CAMSAP2: variants seen among roughly 807,000 people sequenced by gnomAD.
The protein encoded by CAMSAP2 is calmodulin regulated spectrin associated protein family member 2.
A neutral mutation model predicts 146.1 loss-of-function variants in CAMSAP2; 26 were observed. The observed-to-expected ratio is 0.18, with a 90% CI of 0.13 to 0.25. The LOEUF is 0.25. Among genes scored for constraint, CAMSAP2 ranks in the 10% least tolerant of loss-of-function variants. The probability of loss-of-function intolerance (pLI) is 1.00; values close to 1 mark genes in which losing one functional copy is unlikely to be tolerated. For missense variants in CAMSAP2, 1,381 were observed against 1,759.3 expected, an observed-to-expected ratio of 0.78 and a Z score of 3.85; for synonymous variants, 499 against 596.6, an observed-to-expected ratio of 0.84 and a Z score of 2.38.
In CAMSAP2 at chr1:200,857,906, A is replaced by G; in HGVS notation, c.4284A>G (p.Glu1428=). 1.2e-6 allele frequency: 2 copies of G among 1,613,926 alleles called. No homozygotes were observed. The highest frequency in any genetic ancestry group is 1.7e-6 in the Non-Finnish European group (2 of 1,179,850). Residue 1428 remains glutamate (E), a synonymous_variant, in exon 17 of 17, where the codon GAA becomes GAG. Coordinates refer to ENST00000358823, the MANE Select transcript of CAMSAP2 (RefSeq NM_203459.4). This position sits in a 1 kb window ranked among gnomAD's most constrained non-coding sequence, Gnocchi z 4.7. ...AATCTATCACTAAAAAAATGATTGA[A>G]GGACTTTACAAATATAATTCTGACA... The part of the protein sequence containing the change: ...GPKSITKKMI[E]GLYKYNSDRK...
chr1:200,740,743 C>A lies in CAMSAP2; in HGVS notation c.139+777C>A, dbSNP rs78320519. Among the ~76,000 whole-genome samples, 30 of 152,340 alleles carry A rather than the reference C, an allele frequency of 2.0e-4. No homozygotes were observed. The East Asian group carries it at 5.4e-3, about 27-fold the overall frequency. ...TGTATAGTACAGTAGCAGTTAAACA[C>A]TCCCTCCATAACCCAGTCTTTGCAA... On this transcript the variant is annotated intron_variant, in intron 1 of 16. Transcript: ENST00000358823.
intron 1 of CAMSAP2, among the ~76,000 whole-genome samples, chr1:200,755,726 C>G (rs1245838835): frequency 6.6e-6 from 1 of 152,196 alleles, no homozygotes; most frequent in Non-Finnish European, 1.5e-5. Flanking sequence ...GTTTCAGACG[C>G]AGTTCCAGGT....
chr1:200,854,079 A>G (rs1252859897), intron 13 of CAMSAP2, among the ~76,000 whole-genome samples: 1 of 152,172 alleles, frequency 6.6e-6, no homozygotes, highest in African/African-American at 2.4e-5. Flanking sequence ...CCCTGGGTTC[A>G]GGTGATCCTC....
Position 200,782,564 on chromosome 1 carries a change from A to G in CAMSAP2, c.399+21466A>G, listed in dbSNP as rs76872788. Among the ~76,000 whole-genome samples the G allele has an allele frequency of 2.8e-3, 419 of 152,218 alleles. 4 individuals are homozygous for G. Among genetic ancestry groups the G allele is most frequent in the African/African-American group, 9.6e-3 (400 of 41,530 alleles). ...CATATAGATGAAAGCAAACTGCACG[A>G]ACTCTTTTTTTACTAGATTCTTTTG... On this transcript the variant is annotated intron_variant, in intron 2 of 16. Transcript: ENST00000358823.
intron 2 of CAMSAP2, among the ~76,000 whole-genome samples, chr1:200,802,397 G>A (rs1467086706): frequency 1.3e-5 from 2 of 152,070 alleles, no homozygotes; most frequent in Non-Finnish European, 2.9e-5. Flanking sequence ...TGCAAGTGGT[G>A]TTTTACTTTT....
chr1:200,769,821 C>A (rs1417408129), intron 2 of CAMSAP2, among the ~76,000 whole-genome samples: 1 of 152,140 alleles, frequency 6.6e-6, no homozygotes, highest in East Asian at 1.9e-4. Flanking sequence ...ATCTTGGCAT[C>A]CCTTTTCCCA....
chr1:200,754,336 G>T (rs572979603), intron 1 of CAMSAP2, among the ~76,000 whole-genome samples: 1 of 152,220 alleles, frequency 6.6e-6, no homozygotes, highest in East Asian at 1.9e-4. Context: ...TATAGGTGAT[G>T]TTAACTTTGA....
At chr1:200,804,936 AAG>A (rs1666133925) in intron 2 of CAMSAP2, among the ~76,000 whole-genome samples, 1 of 152,260 alleles carries the variant, frequency 6.6e-6, no homozygotes, top group Non-Finnish European at 1.5e-5. Context: ...ATATGGTAGA[AAG>A]AGCACACAGG....
intron 2 of CAMSAP2, among the ~76,000 whole-genome samples, chr1:200,800,699 T>C (rs571111026): frequency 2.0e-4 from 31 of 152,368 alleles, no homozygotes; most frequent in Middle Eastern, 3.4e-3. Context: ...AATTTTATCC[T>C]GTCATTATGA....
At chr1:200,792,490 T>C (rs1665781428) in intron 2 of CAMSAP2, among the ~76,000 whole-genome samples, 2 of 151,640 alleles carry the variant, frequency 1.3e-5, no homozygotes, top group Non-Finnish European at 1.5e-5. Context: ...ACTAAAAATA[T>C]AAAAATTAGC....
chr1:200,856,246 G>A (rs1667750217), intron 15 of CAMSAP2, 121 bp downstream of exon 15: 1 of 640,606 alleles, frequency 1.6e-6, no homozygotes, highest in African/African-American at 1.8e-5. Context: ...CTAATAAACA[G>A]TGAATGCAGG....
intron 2 of CAMSAP2, among the ~76,000 whole-genome samples, chr1:200,796,577 G>C (rs1307166632): frequency 6.6e-6 from 1 of 151,982 alleles, no homozygotes; most frequent in East Asian, 1.9e-4. Context: ...CTAGGAGTAT[G>C]TAGTCTTCCA....
intron 3 of CAMSAP2, among the ~76,000 whole-genome samples, chr1:200,810,457 T>C (rs1177553261): frequency 6.6e-6 from 1 of 151,662 alleles, no homozygotes. Flanking sequence ...GTGCCTGTAA[T>C]CCCAGCTACT....
intron 2 of CAMSAP2, among the ~76,000 whole-genome samples, chr1:200,761,464 G>A (rs189871269): frequency 6.6e-6 from 1 of 152,148 alleles, no homozygotes; most frequent in Non-Finnish European, 1.5e-5. Flanking sequence ...GGCCGGGCGC[G>A]GTGGCTCACG....
chr1:200,751,535 C>CAAAAAAAA (rs35294926), intron 1 of CAMSAP2, among the ~76,000 whole-genome samples: 1 of 41,602 alleles, frequency 2.4e-5, no homozygotes, highest in African/African-American at 8.4e-5. Context: ...GACTCCATCT[C>CAAAAAAAA]AAAAAAAAAA....
At chr1:200,800,360 C>T (rs1277307766) in intron 2 of CAMSAP2, among the ~76,000 whole-genome samples, 1 of 152,088 alleles carries the variant, frequency 6.6e-6, no homozygotes, top group Non-Finnish European at 1.5e-5. Context: ...GTATTGGGTG[C>T]ATATATATTT....
intron 2 of CAMSAP2, among the ~76,000 whole-genome samples, chr1:200,783,265 A>G (rs1665490993): frequency 6.6e-6 from 1 of 151,776 alleles, no homozygotes; most frequent in African/African-American, 2.4e-5. Context: ...TTGTGGTTTT[A>G]TTTTGCATTT....
intron 2 of CAMSAP2, among the ~76,000 whole-genome samples, chr1:200,787,900 G>A (rs1428332866): frequency 6.6e-6 from 1 of 152,176 alleles, no homozygotes; most frequent in Non-Finnish European, 1.5e-5. Context: ...AGGCTTGGGT[G>A]ATTGTTAGCA....
chr1:200,773,380 A>G (rs555187099), intron 2 of CAMSAP2, among the ~76,000 whole-genome samples: 143 of 152,040 alleles, frequency 9.4e-4, no homozygotes, highest in East Asian at 5.4e-3. Flanking sequence ...CACCCTCCCA[A>G]GTAGCTGGGA....
Sources: gnomAD v4.1 joint callset for allele counts (sites outside exome capture counted in the v4.1 genomes callset) on GRCh38, gnomAD v4.1.1 for gene constraint, Gnocchi (gnomAD v3.1) non-coding constraint, MANE v1.5 for transcripts, NCBI Gene and HGNC (gene_info 2026-07-23, HGNC 2026-07-21) for gene names.